The following PARD3B variants were observed in gnomAD, a reference collection of about 807,000 sequenced individuals.
PARD3B encodes partitioning defective 3 homolog B.
Under a neutral mutation model 130.2 loss-of-function variants are expected in PARD3B, and 103 were observed. The observed-to-expected ratio is 0.79, with a 90% CI of 0.67 to 0.93. The LOEUF (loss-of-function observed/expected upper bound fraction) is 0.93, where lower values mean the gene tolerates loss of function less well. Ranked by LOEUF, PARD3B falls within the 40% of genes least tolerant of loss-of-function variation. PARD3B has a pLI of 0.00. For missense variants in PARD3B, 1,609 were observed against 1,499.2 expected, an observed-to-expected ratio of 1.07 and a Z score of -1.21; for synonymous variants, 583 against 553.2, an observed-to-expected ratio of 1.05 and a Z score of -0.76.
intron 15 of PARD3B, among the ~76,000 whole-genome samples, chr2:205,226,198 C>T (rs533582809): frequency 2.0e-4 from 30 of 152,250 alleles, no homozygotes; most frequent in East Asian, 1.5e-3. Context: ...CCTGCCACCA[C>T]GCCCGGCTAA....
chr2:205,080,535 A>G (rs544430967), intron 4 of PARD3B, among the ~76,000 whole-genome samples: 5 of 152,236 alleles, frequency 3.3e-5, no homozygotes, highest in Non-Finnish European at 7.4e-5. Flanking sequence ...TTATAAATCC[A>G]TTGTTACTTT....
At chr2:204,950,673 C>T (rs1377190418) in intron 2 of PARD3B, among the ~76,000 whole-genome samples, 1 of 152,126 alleles carries the variant, frequency 6.6e-6, no homozygotes, top group African/African-American at 2.4e-5. Flanking sequence ...TTAAATGAAA[C>T]AAGACATCTC....
At chr2:205,090,352 A>G (rs370317578) in intron 4 of PARD3B, among the ~76,000 whole-genome samples, 5 of 152,240 alleles carry the variant, frequency 3.3e-5, no homozygotes, top group African/African-American at 1.2e-4. Context: ...GCATTGAGTA[A>G]GTGATCTGTT....
rs934622138 is a variant in PARD3B, at chr2:204,930,110, A to G, written c.223-35042A>G. ...TACTTTTTTGTCTTTTATGTTTTCA[A>G]TTCCTCTCTCTATGTAGTCCATTCT... is the stretch of plus-strand genomic sequence containing the variant. On this transcript the variant is annotated intron_variant, in intron 2 of 22. Transcript: ENST00000406610. Among the ~76,000 whole-genome samples, 8 of 151,392 alleles carry G rather than the reference A, an allele frequency of 5.3e-5. No homozygotes were observed. In the South Asian group the frequency reaches 8.4e-4, roughly 16 times the overall value.
chr2:204,555,864 G>A (rs1204331314), intron 1 of PARD3B, among the ~76,000 whole-genome samples: 2 of 151,918 alleles, frequency 1.3e-5, no homozygotes, highest in Non-Finnish European at 2.9e-5. Flanking sequence ...TCTTCTTCAG[G>A]AAGCCTTCCT....
chr2:204,897,987 C>A (rs1381082827), intron 2 of PARD3B, among the ~76,000 whole-genome samples: 1 of 151,278 alleles, frequency 6.6e-6, no homozygotes, highest in Non-Finnish European at 1.5e-5. Context: ...AATCACTGAC[C>A]AGTTTGGAAT....
At chr2:205,606,155 AG>A (rs2054988242) in intron 22 of PARD3B, among the ~76,000 whole-genome samples, 1 of 151,758 alleles carries the variant, frequency 6.6e-6, no homozygotes, top group Non-Finnish European at 1.5e-5. Context: ...CCCTCCCCAC[AG>A]GAACTCAGTA....
At chr2:204,688,961 TCTCA>T (rs2037226621) in intron 2 of PARD3B, among the ~76,000 whole-genome samples, 1 of 152,136 alleles carries the variant, frequency 6.6e-6, no homozygotes, top group Non-Finnish European at 1.5e-5. Flanking sequence ...TAGGAAAGAC[TCTCA>T]CTCCAGGTGA....
intron 2 of PARD3B, among the ~76,000 whole-genome samples, chr2:204,884,174 A>G (rs2046185933): frequency 6.6e-6 from 1 of 152,224 alleles, no homozygotes; most frequent in Non-Finnish European, 1.5e-5. Flanking sequence ...CTAGAAAACC[A>G]TTGTAAATGA....
At chr2:204,580,764 G>A (rs1020251234) in intron 1 of PARD3B, among the ~76,000 whole-genome samples, 4 of 152,142 alleles carry the variant, frequency 2.6e-5, no homozygotes, top group African/African-American at 9.7e-5. Flanking sequence ...ATTTGGAAGG[G>A]CTCTATAAGA....
rs1384582639 is a variant in PARD3B at position 205,220,426 on chromosome 2, C to G, written c.2141-25352C>G. On this transcript the variant is annotated intron_variant, in intron 15 of 22. Coordinates refer to ENST00000406610, the MANE Select transcript of PARD3B (RefSeq NM_001302769.2). ...AAACACATCTTCCCAATTTCCTATA[C>G]ATTTCCAGAAAAGCCCAATCCATGG... is the stretch of plus-strand genomic sequence containing the variant. 2.6e-5 allele frequency among the ~76,000 whole-genome samples: 4 copies of G among 152,264 alleles called. No individual in the cohort carries two copies. In the East Asian group the frequency reaches 7.7e-4, roughly 29 times the overall value.
intron 3 of PARD3B, among the ~76,000 whole-genome samples, chr2:205,027,905 T>A (rs1285721920): frequency 6.6e-6 from 1 of 152,170 alleles, no homozygotes; most frequent in Non-Finnish European, 1.5e-5. Context: ...TGCTCTCTGT[T>A]CTGTTCCATT....
At chr2:205,377,763 ATTTTTT>A (rs3048124) in intron 18 of PARD3B, among the ~76,000 whole-genome samples, 66,494 of 117,576 alleles carry the variant, frequency 0.57, 19,220 homozygotes, top group South Asian at 0.74. Context: ...GTGTAATCCA[ATTTTTT>A]TTTTTTTTTT....
intron 2 of PARD3B, among the ~76,000 whole-genome samples, chr2:204,798,072 C>T (rs896172138): frequency 6.6e-6 from 1 of 152,190 alleles, no homozygotes; most frequent in African/African-American, 2.4e-5. Context: ...AAAGTACCTT[C>T]ATAAGAATCA....
intron 4 of PARD3B, among the ~76,000 whole-genome samples, chr2:205,088,119 G>A (rs887386173): frequency 6.6e-6 from 1 of 152,224 alleles, no homozygotes; most frequent in Non-Finnish European, 1.5e-5. Context: ...TGATGACTGA[G>A]TTCCCGCAGT....
chr2:205,573,424 C>T (rs1441710134), intron 22 of PARD3B, among the ~76,000 whole-genome samples: 1 of 152,102 alleles, frequency 6.6e-6, no homozygotes, highest in Admixed American at 6.6e-5. Flanking sequence ...GGTGGAAAGG[C>T]AGAGTGGTGA....
chr2:205,207,638 G>A (rs1034022671), intron 15 of PARD3B, among the ~76,000 whole-genome samples: 8 of 143,562 alleles, frequency 5.6e-5, no homozygotes, highest in East Asian at 2.0e-4. Flanking sequence ...TACATTCCTC[G>A]ACACATACAA....
At position 204,993,919 on chromosome 2, in the gene PARD3B, G is replaced by A. The variant is rs1307330984; in HGVS notation, c.394+28596G>A. 4.0e-5 allele frequency among the ~76,000 whole-genome samples: 6 copies of A among 151,500 alleles called. No homozygotes were observed. In the East Asian group the frequency reaches 9.7e-4, roughly 24 times the overall value. ...TAGTTTGTATTTCTGTGGGATCGGT[G>A]GTGATATCCCCTTTATCATTTTTTA... On this transcript the variant is annotated intron_variant, in intron 3 of 22. Coordinates refer to ENST00000406610, the MANE Select transcript of PARD3B (RefSeq NM_001302769.2).
intron 1 of PARD3B, among the ~76,000 whole-genome samples, chr2:204,604,577 C>G (rs1200111331): frequency 6.6e-6 from 1 of 152,080 alleles, no homozygotes; most frequent in African/African-American, 2.4e-5. Context: ...TCTAAAATGA[C>G]TGAGTATTTA....
Sources: allele counts gnomAD v4.1 joint callset (sites outside exome capture counted in the v4.1 genomes callset), GRCh38; gene constraint gnomAD v4.1.1; transcripts MANE v1.5; gene names NCBI Gene and HGNC (gene_info 2026-07-23, HGNC 2026-07-21).